The following RARA variants were observed in gnomAD, a reference collection of about 807,000 sequenced individuals.
RARA encodes the protein retinoic acid receptor alpha, also known as PML-DDX5-RARA fusion.
A neutral mutation model predicts 42.8 loss-of-function variants in RARA; 5 were observed. The observed-to-expected ratio is 0.12, with a 90% CI of 0.06 to 0.25. The LOEUF (loss-of-function observed/expected upper bound fraction) is 0.25, where lower values mean the gene tolerates loss of function less well. Ranked by LOEUF, RARA falls within the 10% of genes least tolerant of loss-of-function variation. RARA has a pLI of 1.00. For synonymous variants in RARA, 256 were observed against 259.5 expected (o/e 0.99, Z 0.13); for missense variants, 402 against 628.7 (o/e 0.64, Z 3.86).
chr17:40,342,175 C>T, intron 2 of RARA: 1 of 1,051,198 alleles, frequency 9.5e-7, no homozygotes, highest in Non-Finnish European at 1.1e-6. Flanking sequence ...CGCGTACCAC[C>T]AGAGACCGAG....
intron 2 of RARA, chr17:40,341,381 G>C: frequency 6.9e-7 from 1 of 1,456,388 alleles, no homozygotes; most frequent in Non-Finnish European, 9.1e-7. Flanking sequence ...CCGGCGGCCG[G>C]AGTCACACAT....
chr17:40,318,317 C>G (rs2033261659), intron 1 of RARA: 1 of 152,448 alleles, frequency 6.6e-6, no homozygotes, highest in Non-Finnish European at 1.5e-5. Context: ...CCCCGCGCCC[C>G]TGAGCCGCGG....
chr17:40,326,312 C>T lies in RARA; in HGVS notation c.-362-4545C>T, dbSNP rs543893611. On this transcript the variant is annotated intron_variant, in intron 1 of 8. Transcript: ENST00000254066. The surrounding 1 kb of genome is among the most constrained non-coding windows in gnomAD (Gnocchi z 5.2). ...ACTTCCTGTCTGAAATCGCACAGCT[C>T]GTTGTTGAGGTAGGCAGTTCACAGG... Among the ~76,000 whole-genome samples the T allele has an allele frequency of 2.8e-4, 43 of 152,260 alleles. No homozygotes were observed. The highest frequency in any genetic ancestry group is 4.6e-4 in the Non-Finnish European group (31 of 68,008).
intron 2 of RARA, among the ~76,000 whole-genome samples, chr17:40,346,822 A>G (rs1046356622): frequency 6.6e-6 from 1 of 152,284 alleles, no homozygotes; most frequent in South Asian, 2.1e-4. Flanking sequence ...CAACTGTCCC[A>G]TTGCTGCAGG....
intron 1 of RARA, among the ~76,000 whole-genome samples, chr17:40,325,631 G>C (rs1251466117): frequency 6.6e-6 from 1 of 152,264 alleles, no homozygotes; most frequent in Non-Finnish European, 1.5e-5. Context: ...AAGGCGGCAG[G>C]GCTTTGTTTC....
chr17:40,319,825 G>A (rs577107780), intron 1 of RARA, among the ~76,000 whole-genome samples: 6 of 152,084 alleles, frequency 3.9e-5, no homozygotes, highest in Admixed American at 1.3e-4. Context: ...GAGGGGGCCG[G>A]GGGGGGCGGG....
chr17:40,342,905 G>A, intron 2 of RARA: 1 of 1,585,402 alleles, frequency 6.3e-7, no homozygotes, highest in South Asian at 1.1e-5. Flanking sequence ...TGTAGGGGGT[G>A]GGAGTGGGCG....
intron 1 of RARA, among the ~76,000 whole-genome samples, chr17:40,310,085 C>A (rs1274017674): frequency 2.6e-5 from 4 of 152,128 alleles, no homozygotes; most frequent in African/African-American, 9.7e-5. Flanking sequence ...GGGTGTGGAC[C>A]AGATTGAGGA....
In RARA at chr17:40,351,902, C is replaced by G. The variant is rs1292304833; in HGVS notation, c.470-8C>G. 1.2e-6 allele frequency: 2 copies of G among 1,610,576 alleles called. No individual in the cohort carries two copies. Among genetic ancestry groups the G allele is most frequent in the African/African-American group, 1.3e-5 (1 of 74,544 alleles). ...AGCTGCCCTCTTAACCCCCTCTGCC[C>G]TCCACAGCTGTGAGAAACGACCGAA... On this transcript the variant is annotated splice_polypyrimidine_tract_variant and splice_region_variant and intron_variant, in intron 4 of 8. Transcript: ENST00000254066. The surrounding 1 kb of genome is among the most constrained non-coding windows in gnomAD (Gnocchi z 4.1).
At chr17:40,323,337 A>T (rs1598540270) in intron 1 of RARA, 1 of 152,020 alleles carries the variant, frequency 6.6e-6, no homozygotes, top group Non-Finnish European at 1.5e-5. Flanking sequence ...CATTCAGGGA[A>T]CCTCTGTGCT....
chr17:40,342,450 C>T, intron 2 of RARA: 7 of 1,211,548 alleles, frequency 5.8e-6, no homozygotes, highest in Non-Finnish European at 6.2e-6. Flanking sequence ...CCCCGCCAGG[C>T]TTCCCTGGGA....
rs1371087050 is a variant in RARA, at chr17:40,315,159, T to C, written c.-363+5873T>C. On this transcript the variant is annotated intron_variant, in intron 1 of 8. Transcript: ENST00000254066. ...ATATATATATATATATATATATATA[T>C]ATATATATATATACACACACACACA... 8.1e-3 allele frequency among the ~76,000 whole-genome samples: 1,016 copies of C among 124,868 alleles called. 35 individuals carry two copies. The highest frequency in any genetic ancestry group is 0.036 in the African/African-American group (970 of 26,618). 81.9% of individuals were successfully genotyped at this position (124,868 alleles called of 152,430 possible). A position where few individuals can be genotyped will look rare whatever the true frequency, so the allele number is the denominator to read the frequency against.
intron 2 of RARA, among the ~76,000 whole-genome samples, chr17:40,331,672 T>A (rs1332071482): frequency 1.3e-5 from 2 of 152,192 alleles, no homozygotes; most frequent in African/African-American, 4.8e-5. Flanking sequence ...CCCTCTTCTG[T>A]GCTCTGCTGT....
At chr17:40,324,885 G>T (rs1375897278) in intron 1 of RARA, among the ~76,000 whole-genome samples, 1 of 152,154 alleles carries the variant, frequency 6.6e-6, no homozygotes. Flanking sequence ...TGGTGGGGAA[G>T]AGGCACCCTC....
chr17:40,342,738 C>T, intron 2 of RARA: 3 of 1,612,436 alleles, frequency 1.9e-6, no homozygotes, highest in Non-Finnish European at 1.7e-6. Flanking sequence ...GGGTCCCACC[C>T]CTAATCCCTT....
chr17:40,331,973 G>A (rs1355317506), intron 2 of RARA, among the ~76,000 whole-genome samples: 1 of 152,208 alleles, frequency 6.6e-6, no homozygotes, highest in African/African-American at 2.4e-5. Flanking sequence ...TGGGTGGATA[G>A]GGTGAGTGTC....
At chr17:40,344,432 G>C (rs1010161473) in intron 2 of RARA, among the ~76,000 whole-genome samples, 4 of 152,178 alleles carry the variant, frequency 2.6e-5, no homozygotes, top group African/African-American at 9.7e-5. Context: ...AGGGCTGCCA[G>C]AGTCACCCCT....
Position 40,356,410 on chromosome 17 carries a change from T to C in RARA, c.*184T>C. On this transcript the variant is annotated 3_prime_UTR_variant, in exon 9 of 9. Coordinates refer to ENST00000254066, the MANE Select transcript of RARA (RefSeq NM_000964.4). ...CTTGGACAGAGGCCTGGGCCCTCAG[T>C]GGACTGCCTGCTCCCACAGCCTGGG... is the stretch of plus-strand genomic sequence containing the variant. 1 of 756,450 alleles carries C rather than the reference T, an allele frequency of 1.3e-6. No individual in the cohort carries two copies. The highest frequency in any genetic ancestry group is 2.3e-6 in the Non-Finnish European group (1 of 436,088). 46.9% of individuals were successfully genotyped at this position (756,450 alleles called of 1,614,324 possible). A position where few individuals can be genotyped will look rare whatever the true frequency, so the allele number is the denominator to read the frequency against.
intron 2 of RARA, among the ~76,000 whole-genome samples, chr17:40,331,679 C>T (rs752315648): frequency 7.9e-5 from 12 of 152,184 alleles, no homozygotes; most frequent in Non-Finnish European, 1.3e-4. Flanking sequence ...CTGTGCTCTG[C>T]TGTTGGGGCC....
Sources: gnomAD v4.1 joint callset for allele counts (sites outside exome capture counted in the v4.1 genomes callset) on GRCh38, gnomAD v4.1.1 for gene constraint, Gnocchi (gnomAD v3.1) non-coding constraint, MANE v1.5 for transcripts, NCBI Gene and HGNC (gene_info 2026-07-23, HGNC 2026-07-21) for gene names.